RABGAP1: variants seen among roughly 807,000 people sequenced by gnomAD.
RABGAP1 encodes the protein RAB GTPase activating protein 1, also known as rab GTPase-activating protein 1.
RABGAP1 carries 23 observed loss-of-function variants against 137.6 expected under a neutral mutation model. The ratio of observed to expected loss-of-function variants is 0.17; its 90% CI spans 0.12 to 0.24. The LOEUF is 0.24. Ranked by LOEUF, RABGAP1 falls within the 10% of genes least tolerant of loss-of-function variation. RABGAP1 has a pLI of 1.00. For missense variants in RABGAP1, 906 were observed against 1,275.8 expected (o/e 0.71, Z 4.42); for synonymous variants, 451 against 450.7 (o/e 1.00, Z -0.01).
At chr9:122,978,821 C>A (rs2131720574) in intron 2 of RABGAP1, among the ~76,000 whole-genome samples, 1 of 152,234 alleles carries the variant, frequency 6.6e-6, no homozygotes, top group South Asian at 2.1e-4. Flanking sequence ...TTTCTAGTCG[C>A]TCCTTATTCT....
chr9:123,033,005 G>A (rs143055273), intron 13 of RABGAP1, among the ~76,000 whole-genome samples: 16 of 152,264 alleles, frequency 1.1e-4, no homozygotes, highest in Admixed American at 2.0e-4. Flanking sequence ...AAATTATAGC[G>A]TAGTGTCAAA....
At chr9:123,065,199 C>A in intron 13 of RABGAP1, 149 bp from the exon 14 acceptor site, 1 of 586,984 alleles carries the variant, frequency 1.7e-6, no homozygotes, top group East Asian at 2.7e-5. Context: ...GTGGTTGGTC[C>A]CTGAAGAGGC....
intron 19 of RABGAP1, among the ~76,000 whole-genome samples, chr9:123,078,985 T>C (rs2034611319): frequency 6.6e-6 from 1 of 152,156 alleles, no homozygotes; most frequent in Non-Finnish European, 1.5e-5. Flanking sequence ...TTTCCAAATG[T>C]TTTTTATGCA....
rs558069837 is a variant in RABGAP1 at position 123,035,537 on chromosome 9, C to T, written c.1794+15078C>T. ...AAGCGCCTCTCAGGGGCTATGTGTA[C>T]TTCTTGTGCAAGTCAGACTACAGCC... On this transcript the variant is annotated intron_variant, in intron 13 of 25. Transcript: ENST00000373647. The T allele has an allele frequency of 1.2e-5, 20 of 1,613,980 alleles. 1 individual carries two copies. The South Asian group carries it at 2.2e-4, about 18-fold the overall frequency.
In RABGAP1 at chr9:122,974,342, G is replaced by C. The variant is rs182389160; in HGVS notation, c.151-10143G>C. 9.9e-4 allele frequency among the ~76,000 whole-genome samples: 149 copies of C among 151,108 alleles called. No homozygotes were observed. The Middle Eastern group carries it at 0.01, about 10-fold the overall frequency. ...ATCCAGAAGCTTGAAAGAACATGGA[G>C]TCAGGACTACTGTAGGTAGAAGAAT... On this transcript the variant is annotated intron_variant, in intron 2 of 25. Transcript: ENST00000373647.
intron 2 of RABGAP1, among the ~76,000 whole-genome samples, chr9:122,969,695 T>A (rs927799592): frequency 2.6e-5 from 4 of 151,750 alleles, no homozygotes; most frequent in Non-Finnish European, 5.9e-5. Context: ...CCTAACACAT[T>A]TTTTTTGCCA....
At chr9:123,048,489 C>G (rs529752967) in intron 13 of RABGAP1, among the ~76,000 whole-genome samples, 1 of 152,214 alleles carries the variant, frequency 6.6e-6, no homozygotes, top group East Asian at 1.9e-4. Flanking sequence ...AAGATTTTAT[C>G]CATAGCATAC....
intron 13 of RABGAP1, among the ~76,000 whole-genome samples, chr9:123,060,811 A>G (rs925993354): frequency 1.3e-5 from 2 of 152,260 alleles, no homozygotes; most frequent in African/African-American, 2.4e-5. Context: ...ATAGACAGGA[A>G]TATACAGACT....
intron 13 of RABGAP1, chr9:123,034,651 C>T (rs1014426011): frequency 1.2e-6 from 2 of 1,613,100 alleles, no homozygotes; most frequent in African/African-American, 2.7e-5. Flanking sequence ...CAATTTTTGC[C>T]TTTTGGAAGT....
chr9:123,068,408 A>G (rs2034250793), intron 14 of RABGAP1, among the ~76,000 whole-genome samples: 1 of 152,062 alleles, frequency 6.6e-6, no homozygotes, highest in Non-Finnish European at 1.5e-5. Context: ...TGGGATTTTA[A>G]CCCAACTCTG....
chr9:122,996,843 T>C (rs1837044771), intron 8 of RABGAP1: 1 of 478,668 alleles, frequency 2.1e-6, no homozygotes, highest in Admixed American at 3.5e-5. Context: ...GTTTAAATAT[T>C]TGAGTACAGT....
upstream of RABGAP1, among the ~76,000 whole-genome samples, chr9:122,937,238 G>C (rs534786324): frequency 4.6e-5 from 7 of 152,324 alleles, no homozygotes; most frequent in South Asian, 1.2e-3. Flanking sequence ...TATTCCCACA[G>C]AAGCCAAGAT....
chr9:123,050,375 G>C (rs1272530567), intron 13 of RABGAP1, among the ~76,000 whole-genome samples: 1 of 151,900 alleles, frequency 6.6e-6, no homozygotes, highest in African/African-American at 2.4e-5. Context: ...CAAATCACCA[G>C]GGTAAATACA....
intron 13 of RABGAP1, among the ~76,000 whole-genome samples, chr9:123,064,069 G>A (rs1451560453): frequency 1.3e-5 from 2 of 152,008 alleles, no homozygotes; most frequent in Admixed American, 6.5e-5. Flanking sequence ...CACTTCGCTC[G>A]CTCTCTCATT....
intron 6 of RABGAP1, among the ~76,000 whole-genome samples, chr9:122,994,088 G>A (rs1344671901): frequency 2.0e-5 from 3 of 152,170 alleles, no homozygotes; most frequent in African/African-American, 7.2e-5. Context: ...GGTAAAGCCA[G>A]GGAAATTAAG....
chr9:122,962,536 A>G (rs1834906200), intron 2 of RABGAP1, among the ~76,000 whole-genome samples: 1 of 152,122 alleles, frequency 6.6e-6, no homozygotes, highest in South Asian at 2.1e-4. Context: ...AAAAAATAAT[A>G]AAAATAGTAC....
intron 13 of RABGAP1, among the ~76,000 whole-genome samples, chr9:123,032,314 G>A (rs1401683351): frequency 1.3e-5 from 2 of 152,208 alleles, no homozygotes; most frequent in Non-Finnish European, 2.9e-5. Flanking sequence ...CTTAAGAGAG[G>A]ATAAGTAATA....
At chr9:123,003,855 A>G in intron 10 of RABGAP1, among the ~76,000 whole-genome samples, 1 of 152,254 alleles carries the variant, frequency 6.6e-6, no homozygotes, top group Admixed American at 6.5e-5. Context: ...CCAATTAAAC[A>G]TTCTTATAAC....
intron 10 of RABGAP1, among the ~76,000 whole-genome samples, chr9:123,007,679 G>GT (rs1368793673): frequency 6.7e-6 from 1 of 148,188 alleles, no homozygotes; most frequent in Non-Finnish European, 1.5e-5. Flanking sequence ...ACCTCCCAAA[G>GT]TATTGGGATT....
Sources: gnomAD v4.1 joint callset for allele counts (sites outside exome capture counted in the v4.1 genomes callset) on GRCh38, gnomAD v4.1.1 for gene constraint, MANE v1.5 for transcripts, NCBI Gene and HGNC (gene_info 2026-07-23, HGNC 2026-07-21) for gene names.